RNF220: variants seen among roughly 807,000 people sequenced by gnomAD.
The protein encoded by RNF220 is E3 ubiquitin-protein ligase RNF220.
A neutral mutation model predicts 67.1 loss-of-function variants in RNF220; 7 were observed. The observed-to-expected ratio is 0.10, with a 90% confidence interval of 0.06 to 0.20. The LOEUF (loss-of-function observed/expected upper bound fraction) is 0.20. Among genes scored for constraint, RNF220 ranks in the 10% least tolerant of loss-of-function variants. The probability of loss-of-function intolerance (pLI) is 1.00; values close to 1 mark genes in which losing one functional copy is unlikely to be tolerated. For synonymous variants in RNF220, 270 were observed against 283.2 expected (o/e 0.95, Z 0.47); for missense variants, 565 against 740.3 (o/e 0.76, Z 2.75).
chr1:44,432,592 G>T (rs1040809730), intron 2 of RNF220, among the ~76,000 whole-genome samples: 1 of 140,304 alleles, frequency 7.1e-6, no homozygotes, highest in African/African-American at 2.7e-5. Flanking sequence ...TAGAAGCAGG[G>T]TCTTGCTATG....
chr1:44,592,862 T>A (rs1666214741), intron 2 of RNF220, among the ~76,000 whole-genome samples: 1 of 152,090 alleles, frequency 6.6e-6, no homozygotes, highest in Non-Finnish European at 1.5e-5. Context: ...TCCTGTTCCC[T>A]ATGACAGCCC....
intron 2 of RNF220, among the ~76,000 whole-genome samples, chr1:44,510,338 G>A (rs937124666): frequency 1.3e-5 from 2 of 151,810 alleles, no homozygotes; most frequent in Admixed American, 6.6e-5. Context: ...GATATGACAT[G>A]AGCTGCTCCC....
At chr1:44,632,596 A>G in intron 6 of RNF220, 1 of 607,154 alleles carries the variant, frequency 1.6e-6, no homozygotes, top group Non-Finnish European at 2.9e-6. Context: ...CTCTTGCCCA[A>G]ACCTCTCTAA....
intron 2 of RNF220, among the ~76,000 whole-genome samples, chr1:44,578,380 C>T (rs1188690276): frequency 6.6e-6 from 1 of 152,088 alleles, no homozygotes; most frequent in East Asian, 1.9e-4. Context: ...GAACTCTGGC[C>T]TCAAGTGATC....
intron 2 of RNF220, among the ~76,000 whole-genome samples, chr1:44,573,170 G>A (rs1482108328): frequency 2.6e-5 from 4 of 152,002 alleles, no homozygotes; most frequent in East Asian, 3.8e-4. Flanking sequence ...ACCCTAAAAC[G>A]TCCCAGGCGA....
chr1:44,641,434 C>T lies in RNF220; in HGVS notation c.1127-3264C>T, dbSNP rs559106969. 2.0e-5 allele frequency among the ~76,000 whole-genome samples: 3 copies of T among 152,282 alleles called. No homozygotes were observed. The South Asian group carries it at 6.2e-4, about 32-fold the overall frequency. On this transcript the variant is annotated intron_variant, in intron 8 of 14. Coordinates refer to ENST00000361799, the MANE Select transcript of RNF220 (RefSeq NM_018150.4). The stretch of plus-strand genomic sequence containing the variant: ...AGCAGTAGTAGGAGTGGCAGCTTGC[C>T]TGTTATCGCTGGAGCTACATGGAAG...
chr1:44,457,963 A>G (rs1653367932), intron 2 of RNF220, among the ~76,000 whole-genome samples: 1 of 152,140 alleles, frequency 6.6e-6, no homozygotes, highest in Non-Finnish European at 1.5e-5. Context: ...CTTCTTTACA[A>G]TAGAACAAGA....
At chr1:44,644,944 C>A in intron 9 of RNF220, 51 bp from the exon 10 acceptor site, 1 of 1,600,550 alleles carries the variant, frequency 6.2e-7, no homozygotes, top group East Asian at 2.2e-5. Flanking sequence ...AGGATTCAAC[C>A]CTCATAGCCT....
chr1:44,405,656 C>T (rs1647260291), intron 1 of RNF220, 126 bp downstream of exon 1: 1 of 248,502 alleles, frequency 4.0e-6, no homozygotes, highest in African/African-American at 2.3e-5. Context: ...CGGGCGGTTC[C>T]CTCTGGACGG....
intron 2 of RNF220, among the ~76,000 whole-genome samples, chr1:44,582,931 G>A (rs1007954489): frequency 2.6e-5 from 4 of 151,990 alleles, no homozygotes; most frequent in Admixed American, 2.6e-4. Context: ...GCTTGAACCC[G>A]GGAGGTGGAG....
intron 2 of RNF220, among the ~76,000 whole-genome samples, chr1:44,610,668 G>T (rs1039918267): frequency 6.6e-6 from 1 of 152,168 alleles, no homozygotes; most frequent in Non-Finnish European, 1.5e-5. Context: ...TGGTGGGCTC[G>T]GCCTGCCCAC....
At chr1:44,638,980 T>C (rs773790756) in intron 8 of RNF220, among the ~76,000 whole-genome samples, 6 of 152,206 alleles carry the variant, frequency 3.9e-5, no homozygotes, top group Non-Finnish European at 5.9e-5. Flanking sequence ...TGATTGTCCT[T>C]TCAGAACCAT....
chr1:44,418,567 C>G (rs1323073233), intron 2 of RNF220, among the ~76,000 whole-genome samples: 2 of 151,872 alleles, frequency 1.3e-5, no homozygotes, highest in Non-Finnish European at 2.9e-5. Flanking sequence ...ACTCTTCCCA[C>G]GGGAAGTTTT....
chr1:44,451,778 G>A (rs574301892), intron 2 of RNF220, among the ~76,000 whole-genome samples: 8 of 152,204 alleles, frequency 5.3e-5, no homozygotes, highest in African/African-American at 1.4e-4. Flanking sequence ...GGGCCACCAC[G>A]CTCAGCGAAT....
chr1:44,452,289 C>G (rs1392183443), intron 2 of RNF220, among the ~76,000 whole-genome samples: 1 of 152,054 alleles, frequency 6.6e-6, no homozygotes, highest in African/African-American at 2.4e-5. Context: ...TGCGGTGGCT[C>G]ACGCCTGTAA....
intron 2 of RNF220, among the ~76,000 whole-genome samples, chr1:44,481,148 C>T (rs1655768841): frequency 6.6e-6 from 1 of 151,966 alleles, no homozygotes; most frequent in African/African-American, 2.4e-5. Context: ...GAAGACTGAG[C>T]GTGGTGGCAT....
At chr1:44,617,267 C>CCG (rs1272964084) in intron 3 of RNF220, among the ~76,000 whole-genome samples, 5 of 152,190 alleles carry the variant, frequency 3.3e-5, no homozygotes, top group Non-Finnish European at 7.4e-5. Flanking sequence ...CTCGGCCCCG[C>CCG]CGCGCCCGGC....
chr1:44,465,620 A>C (rs991486315), intron 2 of RNF220, among the ~76,000 whole-genome samples: 1 of 152,118 alleles, frequency 6.6e-6, no homozygotes, highest in Non-Finnish European at 1.5e-5. Flanking sequence ...AAAAGGTTTT[A>C]ATAGTGCACA....
intron 3 of RNF220, among the ~76,000 whole-genome samples, chr1:44,619,823 G>C (rs1293659069): frequency 6.6e-6 from 1 of 152,166 alleles, no homozygotes; most frequent in Non-Finnish European, 1.5e-5. Flanking sequence ...TCAGCCTCTG[G>C]GGGCCAAGCA....
Sources: allele counts gnomAD v4.1 joint callset (sites outside exome capture counted in the v4.1 genomes callset), GRCh38; gene constraint gnomAD v4.1.1; transcripts MANE v1.5; gene names NCBI Gene and HGNC (gene_info 2026-07-23, HGNC 2026-07-21).